NSUN2: variants seen among roughly 807,000 people sequenced by gnomAD.
NSUN2 encodes the protein NOP2/Sun RNA methyltransferase 2.
A neutral mutation model predicts 92.7 loss-of-function variants in NSUN2; 63 were observed. That is an observed-to-expected ratio of 0.68 (90% CI 0.56 to 0.84). NSUN2 has a LOEUF of 0.84. NSUN2 is among the 40% of genes least tolerant of loss of function. The probability of loss-of-function intolerance (pLI) is 0.00; values close to 1 mark genes in which losing one functional copy is unlikely to be tolerated. For synonymous variants in NSUN2, 356 were observed against 348.3 expected (o/e 1.02, Z -0.25); for missense variants, 989 against 964.9 (o/e 1.02, Z -0.33).
At chr5:6,616,528 G>A (rs1169719930) in intron 9 of NSUN2, among the ~76,000 whole-genome samples, 199 bp downstream of exon 9, 1 of 152,184 alleles carries the variant, frequency 6.6e-6, no homozygotes, top group Non-Finnish European at 1.5e-5. Context: ...GTTTAAAGGA[G>A]TTCAGAGTTT....
intron 7 of NSUN2, among the ~76,000 whole-genome samples, chr5:6,618,418 T>C (rs892784978): frequency 1.1e-4 from 16 of 152,252 alleles, no homozygotes; most frequent in African/African-American, 3.9e-4. Flanking sequence ...TAATGACTAA[T>C]AAGAAATTTT....
Position 6,623,317 on chromosome 5 carries a change from A to AG in NSUN2, c.466-33dup, listed in dbSNP as rs753854759. The stretch of plus-strand genomic sequence containing the variant: ...GAAAAAAAAAAAATCAGCAACAATT[A>AG]GGAAAAAAAAAAAAACCGCAGACAA... On this transcript the variant is annotated intron_variant, in intron 4 of 18. Coordinates refer to ENST00000264670, the MANE Select transcript of NSUN2 (RefSeq NM_017755.6). 1.8e-4 allele frequency: 258 copies of AG among 1,425,396 alleles called. No individual in the cohort carries two copies. The East Asian group carries it at 4.6e-3, about 26-fold the overall frequency. The allele number at this position is 1,425,396 out of a possible 1,614,324, so 88.3% of individuals were successfully genotyped here. A position where few individuals can be genotyped will look rare whatever the true frequency, so the allele number is the denominator to read the frequency against.
Position 6,628,068 on chromosome 5 carries a change from C to T in NSUN2, c.360-2399G>A, listed in dbSNP as rs11948470. Among the ~76,000 whole-genome samples the T allele has an allele frequency of 9.2e-3, 1,400 of 152,288 alleles. 18 individuals are homozygous for T. The highest frequency in any genetic ancestry group is 0.032 in the African/African-American group (1,317 of 41,560). On this transcript the variant is annotated intron_variant, in intron 3 of 18. Coordinates refer to ENST00000264670, the MANE Select transcript of NSUN2 (RefSeq NM_017755.6). ...TAGACATTAAAAAGCACGTAACAGG[C>T]GAGGTGCAGTGGCTCATGCCTGTAA...
chr5:6,631,551 G>C (rs973376583), intron 3 of NSUN2, among the ~76,000 whole-genome samples: 1 of 152,224 alleles, frequency 6.6e-6, no homozygotes, highest in Non-Finnish European at 1.5e-5. Context: ...TGAAGGCAAA[G>C]CAGCCACTCT....
chr5:6,611,000 G>A lies in NSUN2; in HGVS notation c.1181C>T (p.Pro394Leu), dbSNP rs1007432930. Residue 394 changes from proline (P) to leucine (L), a missense_variant, in exon 11 of 19, where the codon CCT (proline) becomes CTT (leucine). By Grantham distance (98) the Pro-to-Leu change is moderately conservative. Around this residue, in one of 3 missense-constraint regions of NSUN2, gnomAD observed 626 missense variants for 602.3 expected, o/e 1.04. Coordinates refer to ENST00000264670, the MANE Select transcript of NSUN2 (RefSeq NM_017755.6). ...CTGCAGCTTTTCTGGGTCCTTCGGA[G>A]GGAACATGGTAGGTCGGATCTGGGT... Reference protein sequence around the residue: ...RHTQIRPTMFPPKDPEKLQAM... With the variant: ...RHTQIRPTMFLPKDPEKLQAM... 5 of 1,614,076 alleles carry A rather than the reference G, an allele frequency of 3.1e-6. No homozygotes were observed. The African/African-American group carries it at 5.3e-5, about 17-fold the overall frequency.
At chr5:6,628,391 G>A (rs1047973497) in intron 3 of NSUN2, among the ~76,000 whole-genome samples, 6 of 152,094 alleles carry the variant, frequency 3.9e-5, no homozygotes, top group African/African-American at 1.2e-4. Context: ...ATAATAAGGT[G>A]CACTCTGAAC....
At chr5:6,613,968 A>T (rs891037704) in intron 9 of NSUN2, among the ~76,000 whole-genome samples, 2 of 151,898 alleles carry the variant, frequency 1.3e-5, no homozygotes, top group African/African-American at 4.8e-5. Context: ...GTGGTGGCAC[A>T]TGCCTGTAGT....
Position 6,618,017 on chromosome 5 carries a change from C to T in NSUN2, c.823G>A (p.Gly275Ser), listed in dbSNP as rs760605271. ...ACATCAATGTTTTTTCTCATAGTGC[C>T]GTCTCCACTGGAAAAAAGATATTTA... ...ILCDVPCSGD[G>S]TMRKNIDVWK... The change falls in exon 8 of 19, where the codon GGC becomes AGC. Residue 275 changes from glycine (G) to serine (S), a missense_variant. Gly to Ser is a moderately conservative substitution (Grantham distance 56, BLOSUM62 0). Transcript: ENST00000264670. 1.2e-5 allele frequency: 19 copies of T among 1,612,804 alleles called. No individual in the cohort carries two copies. The highest frequency in any genetic ancestry group is 1.7e-5 in the Admixed American group (1 of 59,940).
rs1736457670 is a variant in NSUN2 at position 6,599,597 on chromosome 5, T to C, written c.*329A>G. On this transcript the variant is annotated 3_prime_UTR_variant, in exon 19 of 19. Coordinates refer to ENST00000264670, the MANE Select transcript of NSUN2 (RefSeq NM_017755.6). ...ACCAATACAGGCTTAACAAAAGACCTGAAATTTCTGCAAGGGCAGTTTTGT... is the reference window on the plus strand; with the variant it reads ...ACCAATACAGGCTTAACAAAAGACCCGAAATTTCTGCAAGGGCAGTTTTGT... 3 of 259,618 alleles carry C rather than the reference T, an allele frequency of 1.2e-5. No individual in the cohort carries two copies. Among genetic ancestry groups the C allele is most frequent in the South Asian group, 9.1e-5 (1 of 11,014 alleles). The allele number at this position is 259,618 out of a possible 1,614,324, so 16.1% of individuals were successfully genotyped here.
chr5:6,612,516 A>G (rs1737042244), intron 9 of NSUN2, among the ~76,000 whole-genome samples: 1 of 152,232 alleles, frequency 6.6e-6, no homozygotes, highest in African/African-American at 2.4e-5. Flanking sequence ...AGGTGAGGCC[A>G]TTACAGGAAA....
chr5:6,622,450 TA>T (rs1560982738), intron 5 of NSUN2, among the ~76,000 whole-genome samples: 1 of 152,212 alleles, frequency 6.6e-6, no homozygotes, highest in Non-Finnish European at 1.5e-5. Context: ...TCAGTTCAAG[TA>T]CTTCTCCTTG....
chr5:6,628,034 T>C (rs1017214212), intron 3 of NSUN2, among the ~76,000 whole-genome samples: 2 of 152,114 alleles, frequency 1.3e-5, no homozygotes, highest in African/African-American at 4.8e-5. Flanking sequence ...TGACAAACCA[T>C]CCTCAATCTA....
chr5:6,617,995 T>C lies in NSUN2; in HGVS notation c.845A>G (p.Asp282Gly), dbSNP rs1488365958. ...TAAGGTGGTCCACTTTTTCCAAACA[T>C]CAATGTTTTTTCTCATAGTGCCGTC... The part of the protein sequence containing the change: ...SGDGTMRKNI[D>G]VWKKWTTLNS... The change falls in exon 8 of 19, where the codon GAT becomes GGT. Residue 282 changes from aspartate (D) to glycine (G), a missense_variant. Asp to Gly is a moderately conservative substitution (Grantham distance 94). Coordinates refer to ENST00000264670, the MANE Select transcript of NSUN2 (RefSeq NM_017755.6). 4 of 1,613,704 alleles carry C rather than the reference T, an allele frequency of 2.5e-6. No homozygotes were observed. Among genetic ancestry groups the C allele is most frequent in the Non-Finnish European group, 3.4e-6 (4 of 1,179,826 alleles).
In NSUN2 at chr5:6,604,119, T is replaced by C. The variant is rs746539053; in HGVS notation, c.1957+19A>G. On this transcript the variant is annotated intron_variant, in intron 17 of 18. Coordinates refer to ENST00000264670, the MANE Select transcript of NSUN2 (RefSeq NM_017755.6). ...AAAGGGAATACAAGTTATGTCTCTA[T>C]GCATTTCCAACTACTCACCCAGGTC... is the stretch of plus-strand genomic sequence containing the variant. The C allele has an allele frequency of 5.0e-6, 8 of 1,608,600 alleles. No homozygotes were observed. In the South Asian group the frequency reaches 6.7e-5, roughly 13 times the overall value.
chr5:6,605,457 T>TA (rs1259619927), intron 14 of NSUN2, 49 bp from the exon 15 acceptor site: 1 of 1,592,268 alleles, frequency 6.3e-7, no homozygotes, highest in Non-Finnish European at 8.6e-7. Flanking sequence ...CAAAATCTGG[T>TA]AGACTGTTTC....
intron 12 of NSUN2, among the ~76,000 whole-genome samples, chr5:6,609,318 G>C (rs929179712): frequency 3.3e-5 from 5 of 152,198 alleles, no homozygotes; most frequent in African/African-American, 7.2e-5. Context: ...TTCCTGGCCT[G>C]CCTTGGAAAG....
chr5:6,602,502 TG>T lies in NSUN2; in HGVS notation c.1958-3del. The T allele has an allele frequency of 1.2e-6, 2 of 1,614,212 alleles. No homozygotes were observed. The highest frequency in any genetic ancestry group is 8.5e-7 in the Non-Finnish European group (1 of 1,180,036). ...ACTTCAGCACGATGCTTCCCTTTGC[TG>T]GAAAAGAAACAGACACACATTTGCC... is the stretch of plus-strand genomic sequence containing the variant. On this transcript the variant is annotated splice_region_variant and splice_polypyrimidine_tract_variant and intron_variant, in intron 17 of 18. Coordinates refer to ENST00000264670, the MANE Select transcript of NSUN2 (RefSeq NM_017755.6).
chr5:6,631,854 G>A lies in NSUN2; in HGVS notation c.359+19C>T. On this transcript the variant is annotated intron_variant, in intron 3 of 18. Transcript: ENST00000264670. ...AATATCCCAAATAAATATTCGGCATGAAGCACTGTGGTACCTACCAACTCA... is the reference window on the plus strand; with the variant it reads ...AATATCCCAAATAAATATTCGGCATAAAGCACTGTGGTACCTACCAACTCA... 1 of 1,500,310 alleles carries A rather than the reference G, an allele frequency of 6.7e-7. No homozygotes were observed. Among genetic ancestry groups the A allele is most frequent in the Non-Finnish European group, 9.2e-7 (1 of 1,082,856 alleles). 92.9% of individuals were successfully genotyped at this position (1,500,310 alleles called of 1,614,324 possible).
At chr5:6,604,917 G>C (rs1282677351) in intron 15 of NSUN2, 3 of 603,746 alleles carry the variant, frequency 5.0e-6, no homozygotes, top group South Asian at 2.0e-5. Context: ...AATTCTAAGG[G>C]AAGTACCTCA....
Sources: allele counts gnomAD v4.1 joint callset (sites outside exome capture counted in the v4.1 genomes callset), GRCh38; gene constraint gnomAD v4.1.1; regional missense constraint gnomAD v4.1.1; transcripts MANE v1.5; gene names NCBI Gene and HGNC (gene_info 2026-07-23, HGNC 2026-07-21).